Variants in R3HDM1 observed in about 807,000 individuals in gnomAD.
R3HDM1 encodes R3H domain containing 1.
Under a neutral mutation model 141.1 loss-of-function variants are expected in R3HDM1, and 46 were observed. The observed-to-expected ratio is 0.33, with a 90% CI of 0.26 to 0.42. R3HDM1 has a LOEUF of 0.42. Among genes scored for constraint, R3HDM1 ranks in the 10% least tolerant of loss-of-function variants. R3HDM1 has a pLI of 1.00. For synonymous variants in R3HDM1, 435 were observed against 472.9 expected (o/e 0.92, Z 1.04); for missense variants, 1,184 against 1,368.3 (o/e 0.87, Z 2.12).
chr2:135,654,467 T>TTGA (rs1303000165), intron 18 of R3HDM1, among the ~76,000 whole-genome samples: 2 of 150,088 alleles, frequency 1.3e-5, no homozygotes, highest in Non-Finnish European at 3.0e-5. Context: ...GTTGTTGTTG[T>TTGA]TGAGACAGAG....
rs1033562211 is a variant in R3HDM1, at chr2:135,559,090, T to C, written c.-250+27457T>C. On this transcript the variant is annotated intron_variant, in intron 1 of 26. Transcript: ENST00000683871. The stretch of plus-strand genomic sequence containing the variant: ...GTGTGTGTGTGTGTGTGTGTGTGTG[T>C]GTGCATGCGTGTGTGTGTGTGGTTT... 240 of 891,052 alleles carry C rather than the reference T, an allele frequency of 2.7e-4. 1 individual carries two copies. The African/African-American group carries it at 4.2e-3, about 16-fold the overall frequency. 55.2% of individuals were successfully genotyped at this position (891,052 alleles called of 1,614,324 possible).
In R3HDM1 at chr2:135,698,164, C is replaced by CT. The variant is rs1209614603; in HGVS notation, c.2460-11256dup. Among the ~76,000 whole-genome samples the CT allele has an allele frequency of 1.4e-3, 203 of 142,678 alleles. 1 individual carries two copies. The highest frequency in any genetic ancestry group is 3.1e-3 in the South Asian group (14 of 4,468). The allele number at this position is 142,678 out of a possible 152,430, so 93.6% of individuals were successfully genotyped here. On this transcript the variant is annotated intron_variant, in intron 21 of 26. Transcript: ENST00000683871. ...GGGATACTTCTTTTTTTTCTTCTCCCTTTTTTTTTTTTTGAGACGGAGTCT... is the reference window on the plus strand; with the variant it reads ...GGGATACTTCTTTTTTTTCTTCTCCCTTTTTTTTTTTTTTGAGACGGAGTCT...
At chr2:135,614,267 T>C (rs1354771111) in intron 3 of R3HDM1, among the ~76,000 whole-genome samples, 1 of 152,210 alleles carries the variant, frequency 6.6e-6, no homozygotes, top group Non-Finnish European at 1.5e-5. Context: ...AGCATTACGA[T>C]AGGAACAATA....
chr2:135,661,064 T>G (rs1039172020), intron 18 of R3HDM1, among the ~76,000 whole-genome samples: 1 of 152,052 alleles, frequency 6.6e-6, no homozygotes, highest in Non-Finnish European at 1.5e-5. Context: ...AATTAAAATC[T>G]AAATATGATT....
intron 3 of R3HDM1, among the ~76,000 whole-genome samples, chr2:135,613,714 G>T (rs1385865159): frequency 1.3e-5 from 2 of 152,182 alleles, no homozygotes; most frequent in African/African-American, 4.8e-5. Context: ...TACTTGGGAG[G>T]CTGAGGCAGG....
intron 21 of R3HDM1, among the ~76,000 whole-genome samples, chr2:135,699,023 A>ATAGT (rs2073754790): frequency 1.0e-5 from 1 of 95,576 alleles, no homozygotes. Flanking sequence ...AGATAGATAG[A>ATAGT]TAGATAGATA....
Position 135,641,731 on chromosome 2 carries a change from T to C in R3HDM1, c.1415T>C (p.Leu472Ser). The change falls in exon 15 of 27, where the codon TTG (leucine) becomes TCG (serine). Residue 472 changes from leucine to serine, a missense_variant. By Grantham distance (145) the Leu-to-Ser change is moderately radical. Coordinates refer to ENST00000683871, the MANE Select transcript of R3HDM1 (RefSeq NM_001378107.1). ...QVASPSTSFFLLPLEAAGIPP... is the reference protein window; with the variant it reads ...QVASPSTSFFSLPLEAAGIPP... ...GCATCTCCTAGCACTAGCTTCTTTTTGCTTCCCTTGGAAGCGGCAGGCATA... is the reference window on the plus strand; with the variant it reads ...GCATCTCCTAGCACTAGCTTCTTTTCGCTTCCCTTGGAAGCGGCAGGCATA... 1.2e-6 allele frequency: 2 copies of C among 1,614,142 alleles called. No homozygotes were observed. Among genetic ancestry groups the C allele is most frequent in the Non-Finnish European group, 1.7e-6 (2 of 1,179,968 alleles).
rs142603401 is a variant in R3HDM1, at chr2:135,596,084, C to T, written c.-249-6416C>T. 3.1e-3 allele frequency among the ~76,000 whole-genome samples: 468 copies of T among 152,184 alleles called. 2 individuals carry two copies. Among genetic ancestry groups the T allele is most frequent in the African/African-American group, 0.011 (442 of 41,514 alleles). On this transcript the variant is annotated intron_variant, in intron 1 of 26. Transcript: ENST00000683871. ...TGCGATCTCAGCTCACTGCAACCTC[C>T]GCCTCCCAGGCTCCAGCGATTCTCC...
At chr2:135,556,583 A>G (rs1700808829) in intron 1 of R3HDM1, among the ~76,000 whole-genome samples, 2 of 151,464 alleles carry the variant, frequency 1.3e-5, no homozygotes, top group Admixed American at 6.6e-5. Context: ...CAGTGGCGCA[A>G]TCTTGGCTCA....
chr2:135,723,993 G>A lies in R3HDM1; in HGVS notation c.3106G>A (p.Ala1036Thr), dbSNP rs2076961119. ...ACCAGATGGAATAACTCGCATGGAA[G>A]CTGAAAAGCTTTTTGGGGAACTCTT... ...ELPDGITRME[A>T]EKLFGELFKI... Residue 1036 changes from alanine to threonine, a missense_variant, in exon 27 of 27, where the codon GCT becomes ACT. This residue lies in a region of R3HDM1 where 182 missense variants were observed against 252.6 expected (regional missense o/e 0.72). Transcript: ENST00000683871. 5 of 1,613,932 alleles carry A rather than the reference G, an allele frequency of 3.1e-6. No homozygotes were observed. The highest frequency in any genetic ancestry group is 2.5e-6 in the Non-Finnish European group (3 of 1,180,024).
chr2:135,716,994 G>A (rs1406955071), intron 24 of R3HDM1, among the ~76,000 whole-genome samples: 1 of 151,708 alleles, frequency 6.6e-6, no homozygotes, highest in Non-Finnish European at 1.5e-5. Flanking sequence ...ACGGGGAGCA[G>A]TATTCACAAT....
chr2:135,627,449 C>G (rs2105200527), intron 7 of R3HDM1, among the ~76,000 whole-genome samples: 1 of 152,114 alleles, frequency 6.6e-6, no homozygotes, highest in South Asian at 2.1e-4. Context: ...TTCTGGGTGT[C>G]TGCAATATTT....
At chr2:135,618,186 G>A (rs1330668569) in intron 5 of R3HDM1, among the ~76,000 whole-genome samples, 8 of 148,096 alleles carry the variant, frequency 5.4e-5, no homozygotes, top group East Asian at 1.9e-4. Context: ...TTTTTGAGAC[G>A]GAGTTTCACT....
rs116388025 is a variant in R3HDM1 at position 135,600,068 on chromosome 2, A to G, written c.-249-2432A>G. Among the ~76,000 whole-genome samples, 1,437 of 147,432 alleles carry G rather than the reference A, an allele frequency of 9.7e-3. 23 individuals are homozygous for G. The highest frequency in any genetic ancestry group is 0.034 in the African/African-American group (1,365 of 39,828). On this transcript the variant is annotated intron_variant, in intron 1 of 26. Coordinates refer to ENST00000683871, the MANE Select transcript of R3HDM1 (RefSeq NM_001378107.1). Reference sequence around the variant, plus strand: ...AAAAAATTAAAAATTAAACTAGTGCATTAATATTTTGGAGAAGAATACAAA... The same window carrying G: ...AAAAAATTAAAAATTAAACTAGTGCGTTAATATTTTGGAGAAGAATACAAA...
intron 7 of R3HDM1, 118 bp downstream of exon 7, chr2:135,622,850 G>A: frequency 7.4e-7 from 1 of 1,343,916 alleles, no homozygotes; most frequent in Non-Finnish European, 9.6e-7. Context: ...AAGTACACCA[G>A]AAACATTTTA....
chr2:135,559,050 AGTGTGTGTGTGTGTGTGTGTGTGTGT>A (rs10684618), intron 1 of R3HDM1: 7 of 842,444 alleles, frequency 8.3e-6, no homozygotes, highest in Admixed American at 1.4e-4. Context: ...GATTCCACAA[AGTGTGTGTGTGTGTGTGTGTGTGTGT>A]GTGTGTGTGT....
At chr2:135,607,426 A>G in intron 3 of R3HDM1, 1 of 712,160 alleles carries the variant, frequency 1.4e-6, no homozygotes. Flanking sequence ...CCCCACTTAT[A>G]GTCAAGTGGT....
intron 1 of R3HDM1, among the ~76,000 whole-genome samples, chr2:135,547,557 A>G (rs1425702388): frequency 6.9e-6 from 1 of 145,452 alleles, no homozygotes; most frequent in African/African-American, 2.6e-5. Flanking sequence ...TTTCCATGAG[A>G]TTTTTCTCCT....
intron 21 of R3HDM1, among the ~76,000 whole-genome samples, chr2:135,688,546 C>T (rs990281726): frequency 6.6e-6 from 1 of 151,966 alleles, no homozygotes; most frequent in African/African-American, 2.4e-5. Flanking sequence ...TAGTGGACAG[C>T]ATTGTTGTGA....
Sources: gnomAD v4.1 joint callset for allele counts (sites outside exome capture counted in the v4.1 genomes callset) on GRCh38, gnomAD v4.1.1 for gene constraint, gnomAD v4.1.1 regional missense constraint, MANE v1.5 for transcripts, NCBI Gene and HGNC (gene_info 2026-07-23, HGNC 2026-07-21) for gene names.